Variants in ADAM12 observed in about 807,000 individuals in gnomAD.
ADAM12 encodes the protein disintegrin and metalloproteinase domain-containing protein 12.
A neutral mutation model predicts 106.4 loss-of-function variants in ADAM12; 70 were observed. The observed-to-expected ratio is 0.66, with a 90% CI of 0.54 to 0.80. ADAM12 has a LOEUF of 0.80. ADAM12 is among the 30% of genes least tolerant of loss of function. The probability of loss-of-function intolerance (pLI) is 0.00; values close to 1 mark genes in which losing one functional copy is unlikely to be tolerated. For synonymous variants in ADAM12, 420 were observed against 433.5 expected, an observed-to-expected ratio of 0.97 and a Z score of 0.39; for missense variants, 1,010 against 1,171.9, an observed-to-expected ratio of 0.86 and a Z score of 2.02.
chr10:126,179,523 G>T (rs143168484), intron 3 of ADAM12, among the ~76,000 whole-genome samples: 1 of 152,130 alleles, frequency 6.6e-6, no homozygotes, highest in African/African-American at 2.4e-5. Context: ...CCCTTGTGAA[G>T]AAAAATGGGT....
chr10:126,261,803 ATTT>A (rs11316581), intron 3 of ADAM12, among the ~76,000 whole-genome samples: 203 of 134,310 alleles, frequency 1.5e-3, no homozygotes, highest in Non-Finnish European at 1.3e-3. Context: ...GATGGATAGT[ATTT>A]TTTTTTTTTT....
intron 3 of ADAM12, among the ~76,000 whole-genome samples, chr10:126,225,175 A>G (rs953785083): frequency 2.6e-5 from 4 of 152,248 alleles, no homozygotes; most frequent in African/African-American, 9.6e-5. Context: ...TTTGTACCAC[A>G]TACACCTCTG....
chr10:126,103,035 C>G (rs1165728518), intron 8 of ADAM12, among the ~76,000 whole-genome samples: 1 of 152,174 alleles, frequency 6.6e-6, no homozygotes. Context: ...GAAGGAGACA[C>G]TAGGTTTGCC....
At chr10:126,170,010 G>T (rs1551682) in intron 3 of ADAM12, among the ~76,000 whole-genome samples, 12,871 of 152,062 alleles carry the variant, frequency 0.085, 1,750 homozygotes, top group African/African-American at 0.28. Context: ...CAGAAAGCTG[G>T]ATGCATTTCA....
At position 126,098,479 on chromosome 10, in the gene ADAM12, G is replaced by A. The variant is rs555716469; in HGVS notation, c.933C>T (p.Thr311=). 3 of 1,613,924 alleles carry A rather than the reference G, an allele frequency of 1.9e-6. No individual in the cohort carries two copies. Among genetic ancestry groups the A allele is most frequent in the South Asian group, 1.1e-5 (1 of 91,062 alleles). The change falls in exon 10 of 23, where the codon ACC becomes ACT. Residue 311 remains threonine (T), a synonymous_variant. Transcript: ENST00000448723. ...TCATGATTGGGGCCATGCCGATGGT[G>A]GTCCCTTGGAAATAAACCCCACTAG... The part of the protein sequence containing the change: ...QLVSGVYFQG[T]TIGMAPIMSM...
chr10:126,356,091 C>T (rs1311333388), intron 1 of ADAM12, among the ~76,000 whole-genome samples: 1 of 152,218 alleles, frequency 6.6e-6, no homozygotes, highest in East Asian at 1.9e-4. Context: ...AAAGCCTACC[C>T]TAAGGCCCTG....
intron 5 of ADAM12, among the ~76,000 whole-genome samples, chr10:126,122,364 G>C (rs1014439215): frequency 6.6e-6 from 1 of 152,112 alleles, no homozygotes; most frequent in African/African-American, 2.4e-5. Context: ...CCTTCTCTGA[G>C]ATGTTCTTTA....
chr10:126,239,211 A>G (rs1286884208), intron 3 of ADAM12, among the ~76,000 whole-genome samples: 1 of 152,364 alleles, frequency 6.6e-6, no homozygotes. Flanking sequence ...ATAACTGAAC[A>G]ATGTTTTCTA....
chr10:126,059,808 A>G (rs1021094929), intron 14 of ADAM12, among the ~76,000 whole-genome samples: 1 of 152,254 alleles, frequency 6.6e-6, no homozygotes, highest in Non-Finnish European at 1.5e-5. Flanking sequence ...GCCAAGGAAT[A>G]TTTTCAGTAA....
In ADAM12 at chr10:126,322,149, C is replaced by T. The variant is rs545614701; in HGVS notation, c.186+8263G>A. Among the ~76,000 whole-genome samples the T allele has an allele frequency of 1.5e-3, 221 of 152,320 alleles. 2 individuals are homozygous for T. The highest frequency in any genetic ancestry group is 4.8e-3 in the African/African-American group (201 of 41,576). On this transcript the variant is annotated intron_variant, in intron 2 of 22. Coordinates refer to ENST00000448723, the MANE Select transcript of ADAM12 (RefSeq NM_001288973.2). ...AAATGATACTAAATTCAAATTTCAA[C>T]GTCCAGTAAGTTTTATTGGAACATA... is the stretch of plus-strand genomic sequence containing the variant.
intron 1 of ADAM12, among the ~76,000 whole-genome samples, chr10:126,345,996 G>A (rs1377616693): frequency 1.3e-5 from 2 of 152,044 alleles, no homozygotes; most frequent in East Asian, 1.9e-4. Context: ...ATTTTTTGAA[G>A]GTTTTTTTGT....
At chr10:126,188,387 C>G (rs1957437652) in intron 3 of ADAM12, among the ~76,000 whole-genome samples, 1 of 152,166 alleles carries the variant, frequency 6.6e-6, no homozygotes. Flanking sequence ...CATTCTGTTG[C>G]CCACACATAA....
At position 126,101,012 on chromosome 10, in the gene ADAM12, C is replaced by CGAAG. The variant is rs1955653507; in HGVS notation, c.911+56_911+59dup. 3 of 1,581,280 alleles carry CGAAG rather than the reference C, an allele frequency of 1.9e-6. No homozygotes were observed. In the Admixed American group the frequency reaches 5.1e-5, roughly 27 times the overall value. ...AGCTCCTGGGGCTGTGCAGGTGAAA[C>CGAAG]GAAGGGCTTCGCCGAGAGCACTCCT... On this transcript the variant is annotated intron_variant, in intron 9 of 22. Coordinates refer to ENST00000448723, the MANE Select transcript of ADAM12 (RefSeq NM_001288973.2).
intron 2 of ADAM12, among the ~76,000 whole-genome samples, chr10:126,288,118 G>A (rs1319682171): frequency 6.6e-6 from 1 of 152,068 alleles, no homozygotes; most frequent in Non-Finnish European, 1.5e-5. Flanking sequence ...ACAAGCAGAG[G>A]GTCCTCTGAC....
At chr10:126,113,161 T>C (rs1197247057) in intron 6 of ADAM12, among the ~76,000 whole-genome samples, 2 of 151,946 alleles carry the variant, frequency 1.3e-5, no homozygotes, top group Non-Finnish European at 2.9e-5. Flanking sequence ...GTGTTTCAGG[T>C]AGATGGAATG....
At chr10:126,266,855 G>A (rs145183467) in intron 3 of ADAM12, among the ~76,000 whole-genome samples, 15 of 152,210 alleles carry the variant, frequency 9.9e-5, no homozygotes, top group African/African-American at 1.7e-4. Flanking sequence ...AGTCCACCAC[G>A]AGAACAGCAC....
At chr10:126,213,391 G>C (rs1454096432) in intron 3 of ADAM12, among the ~76,000 whole-genome samples, 1 of 152,208 alleles carries the variant, frequency 6.6e-6, no homozygotes, top group Non-Finnish European at 1.5e-5. Flanking sequence ...ATGATCCCCA[G>C]ATTATATGCC....
rs115974230 is a variant in ADAM12, at chr10:126,092,909, C to T, written c.1145+1076G>A. On this transcript the variant is annotated intron_variant, in intron 11 of 22. Transcript: ENST00000448723. ...ACTATTTCCCAGGAGGCCCACAAGGCTATTGCTTGAAAAAGCACAGACACA... is the reference window on the plus strand; with the variant it reads ...ACTATTTCCCAGGAGGCCCACAAGGTTATTGCTTGAAAAAGCACAGACACA... 9.7e-3 allele frequency among the ~76,000 whole-genome samples: 1,482 copies of T among 152,302 alleles called. 26 individuals are homozygous for T. Among genetic ancestry groups the T allele is most frequent in the African/African-American group, 0.033 (1,389 of 41,562 alleles).
intron 4 of ADAM12, 117 bp downstream of exon 4, chr10:126,155,110 G>T: frequency 2.7e-6 from 3 of 1,120,266 alleles, no homozygotes; most frequent in Non-Finnish European, 3.9e-6. Context: ...AGCGCTTCTT[G>T]GGGGGGCCTA....
Sources: allele counts gnomAD v4.1 joint callset (sites outside exome capture counted in the v4.1 genomes callset), GRCh38; gene constraint gnomAD v4.1.1; transcripts MANE v1.5; gene names NCBI Gene and HGNC (gene_info 2026-07-23, HGNC 2026-07-21).